The following GATM variants were observed in gnomAD, a reference collection of about 807,000 sequenced individuals.
The protein encoded by GATM is glycine amidinotransferase.
GATM carries 23 observed loss-of-function variants against 54.2 expected under a neutral mutation model. The ratio of observed to expected loss-of-function variants is 0.42; its 90% CI spans 0.31 to 0.60. The LOEUF is 0.60. Ranked by LOEUF, GATM falls within the 20% of genes least tolerant of loss-of-function variation. The pLI is 0.14. For synonymous variants in GATM, 168 were observed against 183.1 expected (o/e 0.92, Z 0.67); for missense variants, 401 against 544.9 (o/e 0.74, Z 2.63).
chr15:45,370,911 T>C (rs905010157), intron 2 of GATM, among the ~76,000 whole-genome samples: 5 of 152,108 alleles, frequency 3.3e-5, no homozygotes, highest in African/African-American at 9.7e-5. Context: ...GTAACTGGGA[T>C]TACAGGCGCA....
chr15:45,363,699 T>A, intron 8 of GATM: 1 of 608,002 alleles, frequency 1.6e-6, no homozygotes. Context: ...TCTCAGGAGC[T>A]CAGGATGCAT....
chr15:45,387,125 A>T (rs958821268), intron 3 of GATM, among the ~76,000 whole-genome samples: 2 of 152,244 alleles, frequency 1.3e-5, no homozygotes, highest in African/African-American at 4.8e-5. Flanking sequence ...TGAAGGCTTG[A>T]TTTAGTAATG....
chr15:45,378,076 A>G (rs1418574881), intron 1 of GATM: 1 of 326,018 alleles, frequency 3.1e-6, no homozygotes, highest in Non-Finnish European at 5.6e-6. Context: ...AAGGTCCGGT[A>G]GAGGGGGGCG....
intron 7 of GATM, 190 bp from the exon 8 acceptor site, chr15:45,364,206 G>C (rs1889410155): frequency 3.4e-6 from 2 of 592,002 alleles, no homozygotes; most frequent in Non-Finnish European, 6.0e-6. Flanking sequence ...TTATACATTT[G>C]AATTTCACCC....
At chr15:45,371,388 A>C (rs1441875672) in intron 2 of GATM, among the ~76,000 whole-genome samples, 1 of 152,216 alleles carries the variant, frequency 6.6e-6, no homozygotes, top group African/African-American at 2.4e-5. Flanking sequence ...AAAAATGTTT[A>C]TTTATATAAT....
chr15:45,380,355 C>T (rs1179407302), upstream of GATM: 1 of 151,854 alleles, frequency 6.6e-6, no homozygotes, highest in Non-Finnish European at 1.5e-5. Context: ...AGGTTCATAA[C>T]TTAATTCTGC....
Position 45,376,609 on chromosome 15 carries a change from C to T in GATM, c.280G>A (p.Glu94Lys). 1 of 1,613,652 alleles carries T rather than the reference C, an allele frequency of 6.2e-7. No individual in the cohort carries two copies. The highest frequency in any genetic ancestry group is 8.5e-7 in the Non-Finnish European group (1 of 1,179,582). ...GAATAGCCTTCCTTTACCTTCACCT[C>T]GATGGTGAACGGTGGAACACAGGCG... is the stretch of plus-strand genomic sequence containing the variant. ...ENACVPPFTIEVKANTYEKYW... is the reference protein window; with the variant it reads ...ENACVPPFTIKVKANTYEKYW... The change falls in exon 2 of 9, where the codon GAG becomes AAG. Residue 94 changes from glutamate (E) to lysine (K), a missense_variant. Coordinates refer to ENST00000396659, the MANE Select transcript of GATM (RefSeq NM_001482.3).
chr15:45,364,746 T>C (rs753980396), intron 7 of GATM, 51 bp downstream of exon 7: 1 of 1,502,112 alleles, frequency 6.7e-7, no homozygotes, highest in Admixed American at 1.7e-5. Flanking sequence ...GAAAGATCCT[T>C]GGTCACTAAA....
At chr15:45,371,160 C>T (rs1889537079) in intron 2 of GATM, among the ~76,000 whole-genome samples, 1 of 152,182 alleles carries the variant, frequency 6.6e-6, no homozygotes, top group Non-Finnish European at 1.5e-5. Flanking sequence ...GTCAATTTCT[C>T]AATCATAAAT....
chr15:45,376,782 A>G lies in GATM; in HGVS notation c.107T>C (p.Phe36Ser), dbSNP rs776785073. Residue 36 changes from phenylalanine (F) to serine (S), a missense_variant, in exon 2 of 9, where the codon TTC becomes TCC. Phe to Ser is a radical substitution (Grantham distance 155). Around this residue, in one of 3 missense-constraint regions of GATM, gnomAD observed 70 missense variants for 61.5 expected, o/e 1.14. Coordinates refer to ENST00000396659, the MANE Select transcript of GATM (RefSeq NM_001482.3). ...RTLTGWVQRT[F>S]QSTQAATASS... ...AGCCGTAGCTGCCTGGGTGCTCTGG[A>G]AAGTTCGCTGCACCCATCCTGTCAA... 5 of 1,614,010 alleles carry G rather than the reference A, an allele frequency of 3.1e-6. No individual in the cohort carries two copies. Among genetic ancestry groups the G allele is most frequent in the South Asian group, 1.1e-5 (1 of 91,084 alleles).
rs202176047 is a variant in GATM, at chr15:45,364,870, C to CA, written c.979-11dup. ...TCTTGAAAAGATCAATCTGTAAGAC[C>CA]AAAAAAAACCCCCAAAACCGTTAAA... is the stretch of plus-strand genomic sequence containing the variant. On this transcript the variant is annotated splice_polypyrimidine_tract_variant and intron_variant, in intron 6 of 8. Transcript: ENST00000396659. 7.6e-5 allele frequency: 122 copies of CA among 1,608,682 alleles called. 1 individual carries two copies. The highest frequency in any genetic ancestry group is 5.2e-4 in the Admixed American group (31 of 59,812).
chr15:45,368,241 A>G lies in GATM; in HGVS notation c.504T>C (p.Pro168=). The G allele has an allele frequency of 6.2e-7, 1 of 1,613,952 alleles. No homozygotes were observed. The highest frequency in any genetic ancestry group is 2.2e-5 in the East Asian group (1 of 44,878). ...FESTGLYSAM[P]RDILIVVGNE... is the part of the protein sequence containing the mutation. ...TGCCCACAACTATCAGGATGTCTCG[A>G]GGCATTGCACTGTATAAACCTGTCA... The change falls in exon 4 of 9, where the codon CCT becomes CCC. Residue 168 remains proline (P), a synonymous_variant. Transcript: ENST00000396659. The surrounding 1 kb of genome is among the most constrained non-coding windows in gnomAD (Gnocchi z 5.1).
chr15:45,397,561 C>A (rs886803806), intron 2 of GATM, among the ~76,000 whole-genome samples: 1 of 152,162 alleles, frequency 6.6e-6, no homozygotes, highest in Non-Finnish European at 1.5e-5. Context: ...TACTCAGGAC[C>A]CTTCCAGATC....
At chr15:45,375,283 A>G (rs1456646296) in intron 2 of GATM, among the ~76,000 whole-genome samples, 3 of 152,212 alleles carry the variant, frequency 2.0e-5, no homozygotes, top group African/African-American at 7.2e-5. Flanking sequence ...GTTAGCCAGG[A>G]TGGTCTCGAT....
intron 3 of GATM, among the ~76,000 whole-genome samples, chr15:45,394,943 A>ATC (rs1210696225): frequency 1.3e-5 from 2 of 151,998 alleles, no homozygotes; most frequent in Non-Finnish European, 2.9e-5. Context: ...AGGTCATGAG[A>ATC]TCTCTCTCTC....
chr15:45,371,938 T>C (rs1889550446), intron 2 of GATM, among the ~76,000 whole-genome samples: 1 of 152,210 alleles, frequency 6.6e-6, no homozygotes, highest in Admixed American at 6.5e-5. Context: ...CTGACAAATA[T>C]CAAATATATG....
At chr15:45,362,842 T>G (rs1419862667) in intron 8 of GATM, among the ~76,000 whole-genome samples, 1 of 152,216 alleles carries the variant, frequency 6.6e-6, no homozygotes, top group East Asian at 1.9e-4. Flanking sequence ...AGGAAGAATC[T>G]GTTGTGTTAG....
chr15:45,364,943 A>C, intron 6 of GATM, 83 bp from the exon 7 acceptor site: 1 of 1,117,200 alleles, frequency 9.0e-7, no homozygotes, highest in Non-Finnish European at 1.3e-6. Context: ...CCTTATCAGT[A>C]ATAATTCTCT....
rs1316483576 is a variant in GATM, at chr15:45,388,934, G to A, written c.-319+7988C>T. Among the ~76,000 whole-genome samples, 9 of 152,272 alleles carry A rather than the reference G, an allele frequency of 5.9e-5. No homozygotes were observed. The East Asian group carries it at 1.5e-3, about 26-fold the overall frequency. On this transcript the variant is annotated intron_variant, in intron 3 of 4. Transcript: ENST00000561148. ...TATATTGCTTGGAATTCTTCTGCAA[G>A]GAAGATTTATCTCTTTTCCTCTCCT...
Sources: gnomAD v4.1 joint callset for allele counts (sites outside exome capture counted in the v4.1 genomes callset) on GRCh38, gnomAD v4.1.1 for gene constraint, gnomAD v4.1.1 regional missense constraint, Gnocchi (gnomAD v3.1) non-coding constraint, MANE v1.5 for transcripts, NCBI Gene and HGNC (gene_info 2026-07-23, HGNC 2026-07-21) for gene names.